Variants in GABRB2 observed in about 807,000 individuals in gnomAD.
GABRB2 encodes gamma-aminobutyric acid receptor subunit beta-2.
A neutral mutation model predicts 54.7 loss-of-function variants in GABRB2; 16 were observed. The observed-to-expected ratio is 0.29, with a 90% CI of 0.20 to 0.44. GABRB2 has a LOEUF of 0.44. Among genes scored for constraint, GABRB2 ranks in the 20% least tolerant of loss-of-function variants. The pLI, the probability that GABRB2 is intolerant of heterozygous loss-of-function variation, is 1.00. For synonymous variants in GABRB2, 244 were observed against 233.8 expected, an observed-to-expected ratio of 1.04 and a Z score of -0.40; for missense variants, 355 against 644.0, an observed-to-expected ratio of 0.55 and a Z score of 4.86.
In GABRB2 at chr5:161,290,418, AT is replaced by A. The variant is rs1757204986; in HGVS notation, c.*3662del. 1 of 152,516 alleles carries A rather than the reference AT, an allele frequency of 6.6e-6. No individual in the cohort carries two copies. Among genetic ancestry groups the A allele is most frequent in the Non-Finnish European group, 1.5e-5 (1 of 68,000 alleles). The allele number at this position is 152,516 out of a possible 1,614,324, so 9.4% of individuals were successfully genotyped here. A position where few individuals can be genotyped will look rare whatever the true frequency, so the allele number is the denominator to read the frequency against. On this transcript the variant is annotated 3_prime_UTR_variant, in exon 10 of 10. Transcript: ENST00000393959. ...TTCTGATGTTCTGGGGTACAGTACT[AT>A]TGTCGAGTTGAACTGTGCAATGGTT...
chr5:161,368,980 A>C (rs141859566), intron 5 of GABRB2, among the ~76,000 whole-genome samples: 1 of 152,192 alleles, frequency 6.6e-6, no homozygotes, highest in Non-Finnish European at 1.5e-5. Context: ...TTTATGACAG[A>C]ATCAGTTTTA....
rs1308592448 is a variant in GABRB2 at position 161,292,524 on chromosome 5, C to T, written c.*1557G>A. The T allele has an allele frequency of 6.6e-6, 1 of 152,110 alleles. No homozygotes were observed. Among genetic ancestry groups the T allele is most frequent in the African/African-American group, 2.4e-5 (1 of 41,430 alleles). The allele number at this position is 152,110 out of a possible 1,614,324, so 9.4% of individuals were successfully genotyped here. A position where few individuals can be genotyped will look rare whatever the true frequency, so the allele number is the denominator to read the frequency against. The stretch of plus-strand genomic sequence containing the variant: ...TGTCCAATTAGTGTAGAAAGAAGCA[C>T]AATGGCATAACTTAAAAATAGAAAA... On this transcript the variant is annotated 3_prime_UTR_variant, in exon 10 of 10. Coordinates refer to ENST00000393959, the MANE Select transcript of GABRB2 (RefSeq NM_001371727.1).
At chr5:161,421,531 A>G (rs772586783) in intron 4 of GABRB2, among the ~76,000 whole-genome samples, 25 of 152,154 alleles carry the variant, frequency 1.6e-4, no homozygotes, top group Non-Finnish European at 2.6e-4. Context: ...TGGCTGACTC[A>G]ATGACTCAAT....
chr5:161,300,064 GTTC>G (rs1757492448), intron 9 of GABRB2, among the ~76,000 whole-genome samples: 2 of 152,146 alleles, frequency 1.3e-5, no homozygotes, highest in Admixed American at 6.5e-5. Context: ...CTTGTTTATT[GTTC>G]TTCTTTTCAC....
At chr5:161,424,473 T>C (rs2113154979) in intron 4 of GABRB2, among the ~76,000 whole-genome samples, 1 of 152,224 alleles carries the variant, frequency 6.6e-6, no homozygotes, top group South Asian at 2.1e-4. Context: ...AAATCTGCTT[T>C]GCCTGTGCTC....
intron 5 of GABRB2, among the ~76,000 whole-genome samples, chr5:161,383,335 A>G (rs998125304): frequency 6.6e-6 from 1 of 151,830 alleles, no homozygotes; most frequent in South Asian, 2.1e-4. Context: ...TTATGATTCT[A>G]CATATTAATG....
chr5:161,346,858 CAG>C lies in GABRB2; in HGVS notation c.542-10091_542-10090del, dbSNP rs529196417. Reference sequence around the variant, plus strand: ...ACTCAACTATGAGTTTTTATTTAAACAGAGATCATTCATTCTTTAAATTTGTA... The same window carrying C: ...ACTCAACTATGAGTTTTTATTTAAACAGATCATTCATTCTTTAAATTTGTA... On this transcript the variant is annotated intron_variant, in intron 5 of 9. Coordinates refer to ENST00000393959, the MANE Select transcript of GABRB2 (RefSeq NM_001371727.1). Among the ~76,000 whole-genome samples, 146 of 152,106 alleles carry C rather than the reference CAG, an allele frequency of 9.6e-4. 1 individual carries two copies. Among genetic ancestry groups the C allele is most frequent in the African/African-American group, 3.4e-3 (140 of 41,518 alleles).
chr5:161,500,077 A>T (rs1759383924), intron 3 of GABRB2, among the ~76,000 whole-genome samples: 1 of 152,122 alleles, frequency 6.6e-6, no homozygotes, highest in Non-Finnish European at 1.5e-5. Context: ...ATAATTGAAT[A>T]TGTTGGTTTT....
chr5:161,424,292 G>T (rs1756933630), intron 4 of GABRB2, among the ~76,000 whole-genome samples: 1 of 152,104 alleles, frequency 6.6e-6, no homozygotes, highest in Non-Finnish European at 1.5e-5. Context: ...ATGCTATCTA[G>T]GACTTTCATA....
rs903503710 is a variant in GABRB2 at position 161,290,376 on chromosome 5, T to C, written c.*3705A>G. 4 of 152,466 alleles carry C rather than the reference T, an allele frequency of 2.6e-5. No individual in the cohort carries two copies. Among genetic ancestry groups the C allele is most frequent in the Non-Finnish European group, 4.4e-5 (3 of 67,990 alleles). 9.4% of individuals were successfully genotyped at this position (152,466 alleles called of 1,614,324 possible). A position where few individuals can be genotyped will look rare whatever the true frequency, so the allele number is the denominator to read the frequency against. The stretch of plus-strand genomic sequence containing the variant: ...AAAAAGAGAGCAATTAGACAAGCAA[T>C]GTGACAACTACTTAACTTCTGATGT... On this transcript the variant is annotated 3_prime_UTR_variant, in exon 10 of 10. Coordinates refer to ENST00000393959, the MANE Select transcript of GABRB2 (RefSeq NM_001371727.1).
intron 5 of GABRB2, among the ~76,000 whole-genome samples, chr5:161,351,972 C>T (rs1260718548): frequency 6.6e-6 from 1 of 152,014 alleles, no homozygotes; most frequent in Non-Finnish European, 1.5e-5. Context: ...CACTAATCAT[C>T]AGAGAAACGC....
chr5:161,466,747 T>C (rs1758290146), intron 3 of GABRB2, among the ~76,000 whole-genome samples: 1 of 152,000 alleles, frequency 6.6e-6, no homozygotes, highest in South Asian at 2.1e-4. Context: ...TGGACCTTAA[T>C]GACTATTCAA....
chr5:161,310,325 A>C (rs1048716277), intron 9 of GABRB2, among the ~76,000 whole-genome samples: 1 of 152,216 alleles, frequency 6.6e-6, no homozygotes, highest in African/African-American at 2.4e-5. Context: ...GAAGTTAAAA[A>C]ATAGAGAAAT....
intron 5 of GABRB2, among the ~76,000 whole-genome samples, chr5:161,386,838 A>AAAAATT (rs386405487): frequency 4.6e-5 from 7 of 151,360 alleles, no homozygotes; most frequent in Admixed American, 2.0e-4. Context: ...AAAAAAAAAA[A>AAAAATT]ATTATTATTG....
chr5:161,367,329 T>C (rs1223069512), intron 5 of GABRB2, among the ~76,000 whole-genome samples: 1 of 152,172 alleles, frequency 6.6e-6, no homozygotes, highest in African/African-American at 2.4e-5. Context: ...CTTGTGAAGA[T>C]AAATGAGATA....
At chr5:161,315,344 C>T (rs947456209) in intron 9 of GABRB2, among the ~76,000 whole-genome samples, 2 of 152,020 alleles carry the variant, frequency 1.3e-5, no homozygotes, top group Non-Finnish European at 2.9e-5. Context: ...GAATCAGGTG[C>T]GATTTAGAGA....
At chr5:161,480,780 G>A (rs1389574308) in intron 3 of GABRB2, among the ~76,000 whole-genome samples, 1 of 151,962 alleles carries the variant, frequency 6.6e-6, no homozygotes. Flanking sequence ...TGGCCAAGTT[G>A]GGGCCATTAG....
intron 4 of GABRB2, among the ~76,000 whole-genome samples, chr5:161,423,864 A>G (rs1177641272): frequency 6.6e-6 from 1 of 152,192 alleles, no homozygotes; most frequent in Non-Finnish European, 1.5e-5. Flanking sequence ...AAGGAAATTT[A>G]AAGTTCTATG....
chr5:161,417,909 C>T (rs957201269), intron 4 of GABRB2, among the ~76,000 whole-genome samples: 1 of 152,192 alleles, frequency 6.6e-6, no homozygotes, highest in Non-Finnish European at 1.5e-5. Context: ...TCCTCATAGT[C>T]ATATGCACTA....
Sources: allele counts gnomAD v4.1 joint callset (sites outside exome capture counted in the v4.1 genomes callset), GRCh38; gene constraint gnomAD v4.1.1; transcripts MANE v1.5; gene names NCBI Gene and HGNC (gene_info 2026-07-23, HGNC 2026-07-21).